Variants in ARHGAP15 observed in about 807,000 individuals in gnomAD.
ARHGAP15 encodes Rho GTPase activating protein 15.
A neutral mutation model predicts 63.7 loss-of-function variants in ARHGAP15; 51 were observed. That is an observed-to-expected ratio of 0.80 (90% CI 0.64 to 1.01). The LOEUF is 1.01. ARHGAP15 is among the 50% of genes least tolerant of loss of function. The pLI is 0.00. For synonymous variants in ARHGAP15, 191 were observed against 193.8 expected (o/e 0.99, Z 0.12); for missense variants, 560 against 564.6 (o/e 0.99, Z 0.08).
chr2:143,267,888 C>T (rs1029117509), intron 6 of ARHGAP15, among the ~76,000 whole-genome samples: 4 of 152,046 alleles, frequency 2.6e-5, no homozygotes, highest in Middle Eastern at 3.4e-3. Flanking sequence ...GAAATATATC[C>T]ATGTGGGCAT....
In ARHGAP15 at chr2:143,427,617, G is replaced by A. The variant is rs571568558; in HGVS notation, c.475-7984G>A. Among the ~76,000 whole-genome samples, 12 of 151,924 alleles carry A rather than the reference G, an allele frequency of 7.9e-5. 1 individual carries two copies. The East Asian group carries it at 1.5e-3, about 20-fold the overall frequency. ...GTGGCTTTGGAATATAATCAAGAAC[G>A]TTCTATTTTAGAGATATGCATTGAA... On this transcript the variant is annotated intron_variant, in intron 6 of 13. Transcript: ENST00000295095.
At chr2:143,252,800 C>CA (rs998151988) in intron 6 of ARHGAP15, among the ~76,000 whole-genome samples, 1 of 152,018 alleles carries the variant, frequency 6.6e-6, no homozygotes, top group Non-Finnish European at 1.5e-5. Flanking sequence ...GTTCTGTTAA[C>CA]AAAAAAGCGT....
intron 6 of ARHGAP15, among the ~76,000 whole-genome samples, chr2:143,372,731 C>T (rs77200184): frequency 2.6e-3 from 391 of 152,248 alleles, no homozygotes; most frequent in African/African-American, 9.2e-3. Context: ...TCCTGAAGCT[C>T]ATTCACAGGC....
chr2:143,518,175 T>C (rs1270696734), intron 9 of ARHGAP15, among the ~76,000 whole-genome samples: 2 of 152,250 alleles, frequency 1.3e-5, no homozygotes, highest in East Asian at 3.8e-4. Flanking sequence ...TGATCAATTC[T>C]ATGTTATATG....
intron 6 of ARHGAP15, among the ~76,000 whole-genome samples, chr2:143,384,716 T>A (rs1048304885): frequency 2.0e-5 from 3 of 152,188 alleles, no homozygotes; most frequent in Non-Finnish European, 2.9e-5. Context: ...GTCCTTCTGT[T>A]GTGCTATCAT....
intron 10 of ARHGAP15, among the ~76,000 whole-genome samples, chr2:143,536,523 C>G (rs575208217): frequency 7.7e-6 from 1 of 129,186 alleles, no homozygotes; most frequent in African/African-American, 2.9e-5. Flanking sequence ...TCCCTCCCCC[C>G]TCCCCCCACC....
At chr2:143,165,088 C>T (rs376292298) in intron 2 of ARHGAP15, among the ~76,000 whole-genome samples, 6 of 151,898 alleles carry the variant, frequency 4.0e-5, no homozygotes, top group Admixed American at 2.6e-4. Context: ...GTATCCCTTA[C>T]GAGGTGATTT....
intron 9 of ARHGAP15, among the ~76,000 whole-genome samples, chr2:143,509,463 A>G (rs922863836): frequency 2.0e-5 from 3 of 152,234 alleles, no homozygotes; most frequent in Admixed American, 6.5e-5. Flanking sequence ...ATTTCTAATC[A>G]AAGCCCCAAA....
chr2:143,659,544 G>GTTC (rs1386177768), intron 12 of ARHGAP15, among the ~76,000 whole-genome samples: 1 of 152,118 alleles, frequency 6.6e-6, no homozygotes. Flanking sequence ...ATAGCTCTTA[G>GTTC]TTCTACTTTC....
At chr2:143,620,054 C>A (rs1172083581) in intron 11 of ARHGAP15, among the ~76,000 whole-genome samples, 3 of 152,122 alleles carry the variant, frequency 2.0e-5, no homozygotes, top group Non-Finnish European at 4.4e-5. Context: ...GTTTCAGTTG[C>A]CTTAGTCCCT....
At chr2:143,762,251 G>A (rs887427524) in intron 13 of ARHGAP15, among the ~76,000 whole-genome samples, 19 of 152,104 alleles carry the variant, frequency 1.2e-4, no homozygotes, top group Non-Finnish European at 1.5e-4. Flanking sequence ...ATATTTTGGG[G>A]CCTCCTTGCC....
At chr2:143,673,810 A>G (rs377491452) in intron 12 of ARHGAP15, among the ~76,000 whole-genome samples, 93 of 125,760 alleles carry the variant, frequency 7.4e-4, no homozygotes, top group African/African-American at 2.4e-3. Context: ...TTCATAAGAC[A>G]AAGTCAAACA....
At chr2:143,201,159 G>C (rs938218327) in intron 2 of ARHGAP15, among the ~76,000 whole-genome samples, 5 of 151,406 alleles carry the variant, frequency 3.3e-5, no homozygotes, top group Non-Finnish European at 7.4e-5. Context: ...GCCCAGGCTG[G>C]AGTGCAGTTG....
intron 6 of ARHGAP15, among the ~76,000 whole-genome samples, chr2:143,426,308 T>C (rs186957726): frequency 7.1e-4 from 108 of 152,296 alleles, no homozygotes; most frequent in African/African-American, 2.5e-3. Flanking sequence ...TCCTTAGATT[T>C]GCTCAAGTGT....
At chr2:143,327,283 G>C (rs1188331558) in intron 6 of ARHGAP15, among the ~76,000 whole-genome samples, 1 of 152,178 alleles carries the variant, frequency 6.6e-6, no homozygotes, top group African/African-American at 2.4e-5. Context: ...CATGCTCATG[G>C]ATAGGAAGAA....
In ARHGAP15 at chr2:143,373,230, A is replaced by ACCT. The variant is rs1434212621; in HGVS notation, c.475-62371_475-62370insCCT. Among the ~76,000 whole-genome samples, 5 of 152,282 alleles carry ACCT rather than the reference A, an allele frequency of 3.3e-5. No homozygotes were observed. The East Asian group carries it at 9.6e-4, about 29-fold the overall frequency. ...GAAAATATCAAGGACTAGAGAGGTA[A>ACCT]TGAAACTTGCTCAAGATTGCACAAG... On this transcript the variant is annotated intron_variant, in intron 6 of 13. Transcript: ENST00000295095.
chr2:143,730,189 A>G (rs1469428050), intron 13 of ARHGAP15, among the ~76,000 whole-genome samples: 1 of 152,230 alleles, frequency 6.6e-6, no homozygotes, highest in African/African-American at 2.4e-5. Flanking sequence ...AAATTCCAAA[A>G]TAAGAGCTGC....
intron 13 of ARHGAP15, among the ~76,000 whole-genome samples, chr2:143,760,191 T>C (rs2105547399): frequency 6.6e-6 from 1 of 152,292 alleles, no homozygotes; most frequent in East Asian, 1.9e-4. Context: ...TTCCCAGTGT[T>C]TATTATACTC....
At chr2:143,425,432 C>T (rs951456782) in intron 6 of ARHGAP15, among the ~76,000 whole-genome samples, 14 of 151,614 alleles carry the variant, frequency 9.2e-5, no homozygotes, top group African/African-American at 2.7e-4. Flanking sequence ...ATATATGATA[C>T]GTATCACTAC....
Sources: gnomAD v4.1 joint callset for allele counts (sites outside exome capture counted in the v4.1 genomes callset) on GRCh38, gnomAD v4.1.1 for gene constraint, MANE v1.5 for transcripts, NCBI Gene and HGNC (gene_info 2026-07-23, HGNC 2026-07-21) for gene names.